WNK2: variants seen among roughly 807,000 people sequenced by gnomAD.
WNK2 encodes the protein serine/threonine-protein kinase WNK2.
Under a neutral mutation model 192.1 loss-of-function variants are expected in WNK2, and 67 were observed. That is an observed-to-expected ratio of 0.35 (90% confidence interval 0.29 to 0.43). WNK2 has a LOEUF of 0.43. Ranked by LOEUF, WNK2 falls within the 20% of genes least tolerant of loss-of-function variation. The pLI is 1.00. For synonymous variants in WNK2, 1,439 were observed against 1,393.9 expected, an observed-to-expected ratio of 1.03 and a Z score of -0.72; for missense variants, 2,698 against 3,089.7, an observed-to-expected ratio of 0.87 and a Z score of 3.01.
chr9:93,256,203 A>G, intron 9 of WNK2, 96 bp from the exon 10 acceptor site: 4 of 1,345,364 alleles, frequency 3.0e-6, no homozygotes, highest in Non-Finnish European at 3.9e-6. Context: ...GGTAGGGACC[A>G]GGCACAGGGA....
At position 93,236,677 on chromosome 9, in the gene WNK2, G is replaced by T. The variant is rs1234801643; in HGVS notation, c.1234-1556G>T. On this transcript the variant is annotated intron_variant, in intron 5 of 29. Coordinates refer to ENST00000427277, the MANE Select transcript of WNK2 (RefSeq NM_006648.4). ...CCCTTCATGCACAGCCATCAGCTGG[G>T]TGAGGAGCCACTGTCCCTCAGGCTG... Among the ~76,000 whole-genome samples, 6 of 152,352 alleles carry T rather than the reference G, an allele frequency of 3.9e-5. No individual in the cohort carries two copies. In the East Asian group the frequency reaches 1.2e-3, roughly 29 times the overall value.
chr9:93,258,709 T>A (rs1843702971), intron 11 of WNK2, among the ~76,000 whole-genome samples: 1 of 152,128 alleles, frequency 6.6e-6, no homozygotes, highest in South Asian at 2.1e-4. Flanking sequence ...TTTCCTTTTC[T>A]ATTTGAAGAG....
Position 93,229,876 on chromosome 9 carries a change from C to T in WNK2, c.854+8C>T, listed in dbSNP as rs1838434429. 4 of 1,611,736 alleles carry T rather than the reference C, an allele frequency of 2.5e-6. No individual in the cohort carries two copies. Among genetic ancestry groups the T allele is most frequent in the East Asian group, 4.5e-5 (2 of 44,840 alleles). On this transcript the variant is annotated splice_region_variant and intron_variant, in intron 3 of 29. Transcript: ENST00000427277. This position sits in a 1 kb window ranked among gnomAD's most constrained non-coding sequence, Gnocchi z 4.9. ...CTCAGGGACGCTGAAGACGTAAGCT[C>T]CGCTTCCTGAGGGCTGGGGCGGGTC...
intron 2 of WNK2, among the ~76,000 whole-genome samples, chr9:93,226,075 G>A (rs1452189921): frequency 6.6e-6 from 1 of 152,220 alleles, no homozygotes; most frequent in Non-Finnish European, 1.5e-5. Flanking sequence ...CCGTTTGACA[G>A]CGTGTAGAAT....
At chr9:93,312,282 A>G (rs1280862073) in intron 28 of WNK2, among the ~76,000 whole-genome samples, 1 of 152,206 alleles carries the variant, frequency 6.6e-6, no homozygotes, top group Admixed American at 6.5e-5. Flanking sequence ...ATCACTGCCA[A>G]ATCCAGTGTT....
chr9:93,258,735 A>T (rs1843705315), intron 11 of WNK2, among the ~76,000 whole-genome samples, 196 bp from the exon 12 acceptor site: 1 of 151,660 alleles, frequency 6.6e-6, no homozygotes, highest in Non-Finnish European at 1.5e-5. Flanking sequence ...CATGGTTGAG[A>T]TTTCTGCACC....
At chr9:93,240,123 G>A (rs1840504101) in intron 7 of WNK2, 147 bp downstream of exon 7, 1 of 864,570 alleles carries the variant, frequency 1.2e-6, no homozygotes, top group Non-Finnish European at 1.8e-6. Context: ...GGCAGGTGTG[G>A]GCAGCTGAGG....
rs189108622 is a variant in WNK2 at position 93,297,313 on chromosome 9, G to A, written c.5709-540G>A. 2.3e-4 allele frequency among the ~76,000 whole-genome samples: 35 copies of A among 152,264 alleles called. No individual in the cohort carries two copies. The East Asian group carries it at 2.3e-3, about 10-fold the overall frequency. ...AATGAGCCACCTGCATTTCACCTGC[G>A]GGGTGATGTGGGACCTGTGGCAGTG... On this transcript the variant is annotated intron_variant, in intron 23 of 29. Transcript: ENST00000427277.
In WNK2 at chr9:93,268,751, G is replaced by A; in HGVS notation, c.4033+5G>A. On this transcript the variant is annotated splice_donor_5th_base_variant and intron_variant, in intron 19 of 29. Transcript: ENST00000427277. ...TGCCGCCAGAAGCCAGCCAAGGTAT[G>A]AGCAGCAGGCGCCCACACAAGCCCC... The A allele has an allele frequency of 6.2e-7, 1 of 1,610,830 alleles. No individual in the cohort carries two copies. The highest frequency in any genetic ancestry group is 8.5e-7 in the Non-Finnish European group (1 of 1,179,004).
chr9:93,274,130 C>T (rs1457149280), intron 19 of WNK2, among the ~76,000 whole-genome samples: 1 of 152,320 alleles, frequency 6.6e-6, no homozygotes, highest in South Asian at 2.1e-4. Context: ...ACAAAAATCA[C>T]AGGCAAAAAC....
rs558755381 is a variant in WNK2 at position 93,314,434 on chromosome 9, AAGACC to A, written c.6517-3085_6517-3081del. 5.6e-3 allele frequency among the ~76,000 whole-genome samples: 819 copies of A among 145,954 alleles called. 5 individuals carry two copies. The highest frequency in any genetic ancestry group is 0.019 in the African/African-American group (737 of 39,692). On this transcript the variant is annotated intron_variant, in intron 28 of 29. Coordinates refer to ENST00000427277, the MANE Select transcript of WNK2 (RefSeq NM_006648.4). ...CTGCACTCCAGCCTGGCGACAGAGC[AAGACC>A]CTGTCTGAAAAAAAAAAAACAGCTG...
chr9:93,190,907 C>T (rs1002629183), intron 2 of WNK2, among the ~76,000 whole-genome samples: 1 of 152,200 alleles, frequency 6.6e-6, no homozygotes, highest in Admixed American at 6.5e-5. Context: ...GCCACTGGGA[C>T]ACCAGACAGA....
At chr9:93,213,960 T>C (rs976047962) in intron 2 of WNK2, among the ~76,000 whole-genome samples, 62 of 152,232 alleles carry the variant, frequency 4.1e-4, no homozygotes, top group Admixed American at 2.6e-4. Flanking sequence ...CCCTGCTTTT[T>C]GTGTACTGTT....
intron 1 of WNK2, 107 bp from the exon 2 acceptor site, chr9:93,184,821 C>T (rs1389029625): frequency 1.9e-6 from 2 of 1,028,354 alleles, no homozygotes; most frequent in Non-Finnish European, 2.5e-6. Context: ...TCTCCGCGGC[C>T]GGGGCTGGGC....
At chr9:93,198,746 A>T (rs909948381) in intron 2 of WNK2, among the ~76,000 whole-genome samples, 23 of 152,160 alleles carry the variant, frequency 1.5e-4, no homozygotes, top group Non-Finnish European at 1.6e-4. Flanking sequence ...GTCTGCGCTG[A>T]TATGTGCAGT....
chr9:93,303,626 G>A (rs1359887739), intron 26 of WNK2, among the ~76,000 whole-genome samples: 1 of 152,148 alleles, frequency 6.6e-6, no homozygotes, highest in Non-Finnish European at 1.5e-5. Flanking sequence ...CCTGCACTGC[G>A]CCCACCAGGC....
intron 2 of WNK2, among the ~76,000 whole-genome samples, chr9:93,186,913 A>G (rs1022518311): frequency 4.6e-5 from 7 of 152,096 alleles, no homozygotes; most frequent in Non-Finnish European, 1.0e-4. Flanking sequence ...ATGGTCCTGT[A>G]GGTTCTGATG....
intron 13 of WNK2, 116 bp downstream of exon 13, chr9:93,262,223 C>A: frequency 7.8e-7 from 1 of 1,274,762 alleles, no homozygotes; most frequent in Non-Finnish European, 1.1e-6. Context: ...TCTGGGACAG[C>A]CACCCAGGTT....
intron 2 of WNK2, among the ~76,000 whole-genome samples, chr9:93,207,026 G>T (rs1833517905): frequency 6.6e-6 from 1 of 152,120 alleles, no homozygotes; most frequent in African/African-American, 2.4e-5. Context: ...GGGGCTGTTT[G>T]TGATGCCCAC....
Sources: gnomAD v4.1 joint callset for allele counts (sites outside exome capture counted in the v4.1 genomes callset) on GRCh38, gnomAD v4.1.1 for gene constraint, Gnocchi (gnomAD v3.1) non-coding constraint, MANE v1.5 for transcripts, NCBI Gene and HGNC (gene_info 2026-07-23, HGNC 2026-07-21) for gene names.